CFAP61: variants seen among roughly 807,000 people sequenced by gnomAD.
The protein encoded by CFAP61 is cilia and flagella associated protein 61.
A neutral mutation model predicts 135.6 loss-of-function variants in CFAP61; 107 were observed. That is an observed-to-expected ratio of 0.79 (90% CI 0.67 to 0.93). The LOEUF (loss-of-function observed/expected upper bound fraction) is 0.93, where lower values mean the gene tolerates loss of function less well. CFAP61 is among the 40% of genes least tolerant of loss of function. The pLI is 0.00. For synonymous variants in CFAP61, 575 were observed against 578.5 expected (o/e 0.99, Z 0.09); for missense variants, 1,507 against 1,556.2 (o/e 0.97, Z 0.53).
At chr20:20,291,062 C>A (rs1334186313) in intron 24 of CFAP61, among the ~76,000 whole-genome samples, 1 of 152,160 alleles carries the variant, frequency 6.6e-6, no homozygotes, top group Non-Finnish European at 1.5e-5. Context: ...AAAGATTTCC[C>A]ATGTAACCCC....
intron 26 of CFAP61, 148 bp downstream of exon 26, chr20:20,342,069 T>C (rs528254409): frequency 5.7e-5 from 31 of 541,756 alleles, no homozygotes; most frequent in Middle Eastern, 4.7e-4. Context: ...CTGCGGAGCA[T>C]GTAAATGCAG....
intron 22 of CFAP61, 116 bp downstream of exon 22, chr20:20,277,574 G>T: frequency 8.7e-7 from 1 of 1,155,314 alleles, no homozygotes; most frequent in Non-Finnish European, 1.2e-6. Context: ...GTTGGATTTT[G>T]TTTTCTGTGT....
At chr20:20,320,247 G>A (rs995594525) in intron 25 of CFAP61, among the ~76,000 whole-genome samples, 1 of 144,536 alleles carries the variant, frequency 6.9e-6, no homozygotes, top group African/African-American at 2.6e-5. Flanking sequence ...TTGGAAATTT[G>A]AAACCTGGAG....
intron 26 of CFAP61, among the ~76,000 whole-genome samples, chr20:20,347,659 G>C (rs1454660520): frequency 6.6e-6 from 1 of 152,192 alleles, no homozygotes; most frequent in Non-Finnish European, 1.5e-5. Context: ...ACTAGGCTGG[G>C]TGCAGTGGCT....
intron 21 of CFAP61, among the ~76,000 whole-genome samples, chr20:20,271,810 A>G (rs1409260585): frequency 6.6e-6 from 1 of 152,198 alleles, no homozygotes; most frequent in Non-Finnish European, 1.5e-5. Context: ...TACCTCTGTC[A>G]CCTGTTAAAT....
Position 20,069,616 on chromosome 20 carries a change from G to A in CFAP61, c.144-1238G>A, listed in dbSNP as rs938851069. 4.6e-5 allele frequency: 18 copies of A among 392,958 alleles called. No homozygotes were observed. In the East Asian group the frequency reaches 5.1e-4, roughly 11 times the overall value. 24.3% of individuals were successfully genotyped at this position (392,958 alleles called of 1,614,324 possible). A position where few individuals can be genotyped will look rare whatever the true frequency, so the allele number is the denominator to read the frequency against. ...AAAAACACACGATGTACATTTCAAC[G>A]TATAGTTACCTCACGAAAAGATAAG... is the stretch of plus-strand genomic sequence containing the variant. On this transcript the variant is annotated intron_variant, in intron 2 of 26. Coordinates refer to ENST00000245957, the MANE Select transcript of CFAP61 (RefSeq NM_015585.4).
At chr20:20,219,279 C>T (rs1376671101) in intron 17 of CFAP61, among the ~76,000 whole-genome samples, 1 of 152,158 alleles carries the variant, frequency 6.6e-6, no homozygotes, top group Non-Finnish European at 1.5e-5. Flanking sequence ...CTGTGAAACT[C>T]AATTTGTTGA....
At chr20:20,303,376 C>T (rs1195302044) in intron 25 of CFAP61, among the ~76,000 whole-genome samples, 6 of 152,042 alleles carry the variant, frequency 3.9e-5, no homozygotes, top group Admixed American at 3.9e-4. Flanking sequence ...GATGGCAAGA[C>T]GGGGTGACAC....
At chr20:20,294,640 A>G (rs2055261028) in intron 24 of CFAP61, among the ~76,000 whole-genome samples, 1 of 152,154 alleles carries the variant, frequency 6.6e-6, no homozygotes, top group South Asian at 2.1e-4. Flanking sequence ...TAAAAATAAT[A>G]CCAAAAGGTC....
chr20:20,263,514 C>T (rs1464559270), intron 21 of CFAP61, among the ~76,000 whole-genome samples: 2 of 152,022 alleles, frequency 1.3e-5, no homozygotes, highest in East Asian at 3.9e-4. Context: ...AGAAAAAGGC[C>T]TGTATTGGAA....
intron 26 of CFAP61, among the ~76,000 whole-genome samples, chr20:20,358,818 A>G (rs1430062457): frequency 6.6e-6 from 1 of 152,222 alleles, no homozygotes; most frequent in Admixed American, 6.5e-5. Flanking sequence ...CTAGTAAGTT[A>G]ATAATCCAAC....
Position 20,123,292 on chromosome 20 carries a change from A to G in CFAP61, c.860-19565A>G, listed in dbSNP as rs779061799. On this transcript the variant is annotated intron_variant, in intron 8 of 26. Coordinates refer to ENST00000245957, the MANE Select transcript of CFAP61 (RefSeq NM_015585.4). ...TAGTTTAATTAAGTCCCAACTATTTATCTTTGTTTTTATTGCATTTGTTTT... is the reference window on the plus strand; with the variant it reads ...TAGTTTAATTAAGTCCCAACTATTTGTCTTTGTTTTTATTGCATTTGTTTT... Among the ~76,000 whole-genome samples, 17 of 151,750 alleles carry G rather than the reference A, an allele frequency of 1.1e-4. No homozygotes were observed. The Middle Eastern group carries it at 0.01, about 91-fold the overall frequency.
chr20:20,313,438 G>T (rs1258792142), intron 25 of CFAP61, among the ~76,000 whole-genome samples: 1 of 152,202 alleles, frequency 6.6e-6, no homozygotes, highest in East Asian at 1.9e-4. Context: ...CCGCAATTCA[G>T]TAGGCTGCGG....
intron 19 of CFAP61, among the ~76,000 whole-genome samples, chr20:20,246,473 G>A (rs565659691): frequency 5.3e-5 from 8 of 152,320 alleles, no homozygotes; most frequent in Admixed American, 4.6e-4. Context: ...TGGAGCCTAC[G>A]GACCCAGCCA....
intron 25 of CFAP61, among the ~76,000 whole-genome samples, chr20:20,339,313 A>G (rs191282640): frequency 1.3e-5 from 2 of 152,318 alleles, no homozygotes; most frequent in South Asian, 2.1e-4. Flanking sequence ...ACGAATGCTG[A>G]TAGCACCATA....
intron 9 of CFAP61, among the ~76,000 whole-genome samples, chr20:20,148,712 C>G (rs778952056): frequency 3.3e-5 from 5 of 152,076 alleles, no homozygotes; most frequent in Non-Finnish European, 7.4e-5. Context: ...TTTGTGTTTT[C>G]TAGGTATGTG....
chr20:20,166,151 G>T (rs1261621733), intron 11 of CFAP61, among the ~76,000 whole-genome samples: 2 of 152,204 alleles, frequency 1.3e-5, no homozygotes, highest in African/African-American at 4.8e-5. Context: ...CCAATTTTGT[G>T]TTGGCTTTTC....
At chr20:20,348,734 T>A (rs2058726289) in intron 26 of CFAP61, among the ~76,000 whole-genome samples, 2 of 118,358 alleles carry the variant, frequency 1.7e-5, no homozygotes, top group South Asian at 3.0e-4. Flanking sequence ...AAAAACACTA[T>A]CATCTCAATT....
intron 26 of CFAP61, among the ~76,000 whole-genome samples, chr20:20,349,415 A>C (rs2058752081): frequency 6.6e-6 from 1 of 152,170 alleles, no homozygotes; most frequent in South Asian, 2.1e-4. Flanking sequence ...AAGTTCTTTT[A>C]AACAACCAGA....
Sources: gnomAD v4.1 joint callset for allele counts (sites outside exome capture counted in the v4.1 genomes callset) on GRCh38, gnomAD v4.1.1 for gene constraint, MANE v1.5 for transcripts, NCBI Gene and HGNC (gene_info 2026-07-23, HGNC 2026-07-21) for gene names.